The following SGMS1 variants were observed in gnomAD, a reference collection of about 807,000 sequenced individuals.
SGMS1 encodes phosphatidylcholine:ceramide cholinephosphotransferase 1.
A neutral mutation model predicts 46.2 loss-of-function variants in SGMS1; 13 were observed. That is an observed-to-expected ratio of 0.28 (90% confidence interval 0.18 to 0.45). The LOEUF (loss-of-function observed/expected upper bound fraction) is 0.45, where lower values mean the gene tolerates loss of function less well. Ranked by LOEUF, SGMS1 falls within the 20% of genes least tolerant of loss-of-function variation. The pLI is 1.00. For missense variants in SGMS1, 324 were observed against 519.9 expected (o/e 0.62, Z 3.66); for synonymous variants, 203 against 187.8 (o/e 1.08, Z -0.66).
At chr10:50,523,263 G>C (rs1837871866) in intron 2 of SGMS1, among the ~76,000 whole-genome samples, 5 of 152,150 alleles carry the variant, frequency 3.3e-5, no homozygotes, top group Admixed American at 1.3e-4. Context: ...GAGGAAGACA[G>C]GTCTGCTCTA....
At chr10:50,335,616 T>C (rs1255002214) in intron 7 of SGMS1, 1 of 152,182 alleles carries the variant, frequency 6.6e-6, no homozygotes, top group Non-Finnish European at 1.5e-5. Flanking sequence ...ACCGACAGGC[T>C]GGTGGGACAC....
chr10:50,513,515 C>T (rs377598958), intron 3 of SGMS1, among the ~76,000 whole-genome samples: 7 of 152,106 alleles, frequency 4.6e-5, no homozygotes, highest in African/African-American at 2.4e-5. Flanking sequence ...ATGGACACTC[C>T]CAGGTGTGAA....
rs150085880 is a variant in SGMS1, at chr10:50,394,519, C to G, written c.-232+38957G>C. Among the ~76,000 whole-genome samples the G allele has an allele frequency of 1.0e-3, 155 of 152,316 alleles. 1 individual carries two copies. In the East Asian group the frequency reaches 0.019, roughly 19 times the overall value. On this transcript the variant is annotated intron_variant, in intron 6 of 10. Coordinates refer to ENST00000361781, the MANE Select transcript of SGMS1 (RefSeq NM_147156.4). The stretch of plus-strand genomic sequence containing the variant: ...GGAAACCCCATTTGCCATTCAATTA[C>G]CCATAACTGTCAATAGTGTTGATTT...
intron 1 of SGMS1, among the ~76,000 whole-genome samples, chr10:50,610,792 C>T (rs1037247234): frequency 3.9e-5 from 6 of 152,174 alleles, no homozygotes; most frequent in Non-Finnish European, 7.3e-5. Context: ...TGATTATTGT[C>T]GGTCTGACCC....
chr10:50,587,230 AT>A (rs36030853), intron 2 of SGMS1, among the ~76,000 whole-genome samples: 57,073 of 151,986 alleles, frequency 0.38, 11,484 homozygotes, highest in East Asian at 0.74. Flanking sequence ...ACATTGGAAA[AT>A]TTTTTTGGAG....
intron 2 of SGMS1, among the ~76,000 whole-genome samples, chr10:50,526,914 A>G (rs1837906951): frequency 6.6e-6 from 1 of 151,814 alleles, no homozygotes; most frequent in Non-Finnish European, 1.5e-5. Flanking sequence ...AAAATACAAA[A>G]ATTAGCTGGG....
At chr10:50,352,935 G>A (rs1156668054) in intron 6 of SGMS1, among the ~76,000 whole-genome samples, 1 of 152,126 alleles carries the variant, frequency 6.6e-6, no homozygotes, top group East Asian at 1.9e-4. Context: ...CTGAAATTGA[G>A]GCAATAATCA....
intron 6 of SGMS1, among the ~76,000 whole-genome samples, chr10:50,363,880 C>T (rs1848293369): frequency 1.3e-5 from 2 of 151,836 alleles, no homozygotes; most frequent in Admixed American, 1.3e-4. Flanking sequence ...TCTGAAGAAA[C>T]TCTCTAATAA....
intron 1 of SGMS1, among the ~76,000 whole-genome samples, chr10:50,600,485 T>C (rs1418295000): frequency 6.6e-6 from 1 of 152,198 alleles, no homozygotes; most frequent in East Asian, 1.9e-4. Flanking sequence ...GAAGGTGTTA[T>C]TACTGCTATT....
chr10:50,311,555 G>A lies in SGMS1; in HGVS notation c.742-140C>T, dbSNP rs79487047. 5.7e-3 allele frequency: 1,282 copies of A among 223,354 alleles called. 6 individuals carry two copies. The highest frequency in any genetic ancestry group is 0.024 in the Middle Eastern group (12 of 498). The allele number at this position is 223,354 out of a possible 1,614,324, so 13.8% of individuals were successfully genotyped here. ...CCACCAGGAAGTTTGCCCACTCAGT[G>A]TTTACCATTCCAAGAGTAGCCCTTG... On this transcript the variant is annotated intron_variant, in intron 8 of 10. Coordinates refer to ENST00000361781, the MANE Select transcript of SGMS1 (RefSeq NM_147156.4).
intron 2 of SGMS1, among the ~76,000 whole-genome samples, chr10:50,559,353 T>C (rs1838214738): frequency 6.6e-6 from 1 of 152,148 alleles, no homozygotes; most frequent in African/African-American, 2.4e-5. Context: ...TCATTCCAAA[T>C]CACTTTTGAT....
intron 6 of SGMS1, among the ~76,000 whole-genome samples, chr10:50,375,030 C>T (rs1187544569): frequency 1.3e-5 from 2 of 151,894 alleles, no homozygotes; most frequent in Non-Finnish European, 2.9e-5. Context: ...GAACTCAGGA[C>T]AGAGGGAACA....
At chr10:50,597,641 C>T (rs1488641333) in intron 1 of SGMS1, among the ~76,000 whole-genome samples, 1 of 152,094 alleles carries the variant, frequency 6.6e-6, no homozygotes, top group Admixed American at 6.5e-5. Flanking sequence ...AAGGCAGCAC[C>T]AGAGAATTTG....
chr10:50,440,692 T>TC (rs1012132195), intron 5 of SGMS1, among the ~76,000 whole-genome samples: 2 of 152,112 alleles, frequency 1.3e-5, no homozygotes, highest in African/African-American at 4.8e-5. Context: ...AGCCACGACT[T>TC]CCTGCCTCCT....
In SGMS1 at chr10:50,564,193, G is replaced by T. The variant is rs539224905; in HGVS notation, c.-589+25960C>A. Among the ~76,000 whole-genome samples, 226 of 152,328 alleles carry T rather than the reference G, an allele frequency of 1.5e-3. 1 individual carries two copies. Among genetic ancestry groups the T allele is most frequent in the African/African-American group, 4.9e-3 (204 of 41,564 alleles). ...AGGTAGAAAGGATTTGGCACAGTGTGAGACAGAAAACACATGCTGCAAGGA... is the reference window on the plus strand; with the variant it reads ...AGGTAGAAAGGATTTGGCACAGTGTTAGACAGAAAACACATGCTGCAAGGA... On this transcript the variant is annotated intron_variant, in intron 2 of 10. Coordinates refer to ENST00000361781, the MANE Select transcript of SGMS1 (RefSeq NM_147156.4).
chr10:50,517,651 A>G (rs1325962718), intron 3 of SGMS1, among the ~76,000 whole-genome samples: 2 of 152,172 alleles, frequency 1.3e-5, no homozygotes, highest in African/African-American at 2.4e-5. Context: ...TTTAGGGTGG[A>G]TAAATGAAAT....
At chr10:50,363,321 GC>G (rs1848284148) in intron 6 of SGMS1, among the ~76,000 whole-genome samples, 1 of 152,154 alleles carries the variant, frequency 6.6e-6, no homozygotes, top group African/African-American at 2.4e-5. Context: ...AAAACAAGGA[GC>G]CCTAAGCCAG....
intron 5 of SGMS1, among the ~76,000 whole-genome samples, chr10:50,455,561 A>G (rs1837180538): frequency 6.6e-6 from 1 of 152,250 alleles, no homozygotes; most frequent in Non-Finnish European, 1.5e-5. Context: ...GCTGGTTAAA[A>G]ATATCTTTGG....
In SGMS1 at chr10:50,338,744, A is replaced by ATT. The variant is rs202210485; in HGVS notation, c.623+4746_623+4747dup. Among the ~76,000 whole-genome samples, 169 of 139,318 alleles carry ATT rather than the reference A, an allele frequency of 1.2e-3. 2 individuals are homozygous for ATT. The highest frequency in any genetic ancestry group is 3.8e-3 in the African/African-American group (144 of 38,334). The allele number at this position is 139,318 out of a possible 152,430, so 91.4% of individuals were successfully genotyped here. Reference sequence around the variant, plus strand: ...CTTCTACCTGGACTACTGCAATGGCATTTTTTTTTTTTTTTTTAGAGTTTC... The same window carrying ATT: ...CTTCTACCTGGACTACTGCAATGGCATTTTTTTTTTTTTTTTTTTAGAGTTTC... On this transcript the variant is annotated intron_variant, in intron 7 of 10. Coordinates refer to ENST00000361781, the MANE Select transcript of SGMS1 (RefSeq NM_147156.4).
Sources: gnomAD v4.1 joint callset for allele counts (sites outside exome capture counted in the v4.1 genomes callset) on GRCh38, gnomAD v4.1.1 for gene constraint, MANE v1.5 for transcripts, NCBI Gene and HGNC (gene_info 2026-07-23, HGNC 2026-07-21) for gene names.